The following TSHR variants were observed in gnomAD, a reference collection of about 807,000 sequenced individuals.
TSHR encodes the protein thyrotropin receptor.
A neutral mutation model predicts 64.1 loss-of-function variants in TSHR; 51 were observed. That is an observed-to-expected ratio of 0.80 (90% CI 0.64 to 1.01). The LOEUF is 1.01. Ranked by LOEUF, TSHR falls within the 50% of genes least tolerant of loss-of-function variation. The pLI is 0.00. For synonymous variants in TSHR, 361 were observed against 361.9 expected (o/e 1.00, Z 0.03); for missense variants, 877 against 942.8 (o/e 0.93, Z 0.91).
chr14:81,109,610 G>A (rs1473009695), intron 8 of TSHR, among the ~76,000 whole-genome samples: 1 of 152,148 alleles, frequency 6.6e-6, no homozygotes, highest in Non-Finnish European at 1.5e-5. Context: ...AGGTAGGGGT[G>A]GATGCCTCCT....
chr14:81,011,462 C>A (rs1176745806), intron 1 of TSHR, among the ~76,000 whole-genome samples: 1 of 152,034 alleles, frequency 6.6e-6, no homozygotes, highest in Non-Finnish European at 1.5e-5. Context: ...AAGCTATTCA[C>A]AGTATTCTTT....
At position 81,105,052 on chromosome 14, in the gene TSHR, T is replaced by G. The variant is rs183885333; in HGVS notation, c.615-3323T>G. 15 of 985,424 alleles carry G rather than the reference T, an allele frequency of 1.5e-5. No homozygotes were observed. The African/African-American group carries it at 2.4e-4, about 16-fold the overall frequency. 61.0% of individuals were successfully genotyped at this position (985,424 alleles called of 1,614,324 possible). A position where few individuals can be genotyped will look rare whatever the true frequency, so the allele number is the denominator to read the frequency against. Reference sequence around the variant, plus strand: ...CTTTTGAGTCTCTTTTAAGCTACTTTATGTTCATCTTCTCCTTGCAAGGGA... The same window carrying G: ...CTTTTGAGTCTCTTTTAAGCTACTTGATGTTCATCTTCTCCTTGCAAGGGA... On this transcript the variant is annotated intron_variant, in intron 7 of 9. Transcript: ENST00000298171.
At chr14:81,080,268 A>G (rs1887807496) in intron 3 of TSHR, among the ~76,000 whole-genome samples, 1 of 152,142 alleles carries the variant, frequency 6.6e-6, no homozygotes, top group South Asian at 2.1e-4. Flanking sequence ...AGTTTTTTAA[A>G]TCAAAAATAA....
chr14:81,075,946 C>T (rs1179089585), intron 3 of TSHR, among the ~76,000 whole-genome samples: 1 of 151,944 alleles, frequency 6.6e-6, no homozygotes, highest in Non-Finnish European at 1.5e-5. Context: ...ACATATACAC[C>T]ATGGGATACT....
chr14:81,109,618 C>G (rs1890136733), intron 8 of TSHR, among the ~76,000 whole-genome samples: 1 of 152,126 alleles, frequency 6.6e-6, no homozygotes, highest in Non-Finnish European at 1.5e-5. Flanking sequence ...GTGGATGCCT[C>G]CTAGAGAAGG....
chr14:80,983,912 G>A (rs77542443), intron 1 of TSHR, among the ~76,000 whole-genome samples: 13,053 of 152,200 alleles, frequency 0.086, 693 homozygotes, highest in South Asian at 0.21. Context: ...GAACGAGTTC[G>A]TTGTAAGTGA....
intron 1 of TSHR, among the ~76,000 whole-genome samples, chr14:80,989,129 T>C (rs1230374402): frequency 1.3e-5 from 2 of 152,190 alleles, no homozygotes; most frequent in Non-Finnish European, 2.9e-5. Flanking sequence ...TCTGTTATCA[T>C]TGACTCTTCC....
intron 1 of TSHR, among the ~76,000 whole-genome samples, chr14:81,017,903 C>T (rs1883509877): frequency 1.3e-5 from 2 of 150,404 alleles, no homozygotes; most frequent in South Asian, 4.2e-4. Flanking sequence ...GATCTCGGCT[C>T]ATTGCAAGCT....
chr14:81,079,147 T>A (rs1887711685), intron 3 of TSHR, among the ~76,000 whole-genome samples: 2 of 152,210 alleles, frequency 1.3e-5, no homozygotes, highest in African/African-American at 4.8e-5. Flanking sequence ...GGTAGTAACT[T>A]CAGCGAGGAT....
rs184781241 is a variant in TSHR at position 80,976,069 on chromosome 14, G to T, written c.170+20219G>T. Among the ~76,000 whole-genome samples the T allele has an allele frequency of 3.1e-3, 471 of 152,176 alleles. 4 individuals are homozygous for T. The highest frequency in any genetic ancestry group is 4.4e-3 in the Non-Finnish European group (300 of 68,004). On this transcript the variant is annotated intron_variant, in intron 1 of 9. Transcript: ENST00000298171. ...TGGGACTACAGGCACCCGCAACCAC[G>T]CCCGGCTAATTTTTTGTATTTTTAC...
chr14:81,007,647 A>C (rs898818015), intron 1 of TSHR, among the ~76,000 whole-genome samples: 6 of 152,160 alleles, frequency 3.9e-5, no homozygotes, highest in African/African-American at 1.4e-4. Flanking sequence ...CTCCCATAAT[A>C]TTACTCTTTT....
chr14:81,116,771 C>T (rs940763489), intron 8 of TSHR, among the ~76,000 whole-genome samples: 17 of 150,820 alleles, frequency 1.1e-4, no homozygotes, highest in African/African-American at 2.7e-4. Context: ...AAATTGACCA[C>T]ATACTTGGAA....
intron 1 of TSHR, among the ~76,000 whole-genome samples, chr14:80,981,320 CAAG>C (rs1888154575): frequency 6.6e-6 from 1 of 152,126 alleles, no homozygotes; most frequent in Admixed American, 6.6e-5. Context: ...TCCAGATTCT[CAAG>C]AAGGTTTTTT....
chr14:81,110,628 T>G (rs1350188401), intron 8 of TSHR, among the ~76,000 whole-genome samples: 3 of 152,200 alleles, frequency 2.0e-5, no homozygotes, highest in African/African-American at 7.2e-5. Context: ...GTGTATAAAA[T>G]GTGAAAATGA....
chr14:81,059,325 A>G (rs1886057189), intron 1 of TSHR, among the ~76,000 whole-genome samples: 2 of 152,204 alleles, frequency 1.3e-5, no homozygotes, highest in African/African-American at 4.8e-5. Context: ...CAGAAAAGAA[A>G]TTAAAGGAGA....
At chr14:81,140,653 T>TC (rs567924137) in intron 9 of TSHR, among the ~76,000 whole-genome samples, 1 of 152,206 alleles carries the variant, frequency 6.6e-6, no homozygotes, top group Non-Finnish European at 1.5e-5. Flanking sequence ...CTGCATTATT[T>TC]CCCCCATTGT....
At chr14:80,956,307 A>G (rs1219229032) in intron 1 of TSHR, among the ~76,000 whole-genome samples, 1 of 152,240 alleles carries the variant, frequency 6.6e-6, no homozygotes, top group Non-Finnish European at 1.5e-5. Flanking sequence ...CTGCTGATTC[A>G]TCAAATTGTT....
In TSHR at chr14:81,144,222, C is replaced by G. The variant is rs1406691651; in HGVS notation, c.2164C>G (p.Gln722Glu). Residue 722 changes from glutamine (Q) to glutamate (E), a missense_variant, in exon 10 of 10, where the codon CAA becomes GAA. Transcript: ENST00000298171. ...PPKNSTDIQVQKVTHEMRQGL... is the reference protein window; with the variant it reads ...PPKNSTDIQVEKVTHEMRQGL... Reference sequence around the variant, plus strand: ...AAAGAACAGCACTGATATTCAGGTTCAAAAGGTTACCCACGAGATGAGGCA... The same window carrying G: ...AAAGAACAGCACTGATATTCAGGTTGAAAAGGTTACCCACGAGATGAGGCA... The G allele has an allele frequency of 6.2e-7, 1 of 1,613,158 alleles. No homozygotes were observed. The highest frequency in any genetic ancestry group is 8.5e-7 in the Non-Finnish European group (1 of 1,179,506).
chr14:81,059,201 C>T (rs1001774486), intron 1 of TSHR, among the ~76,000 whole-genome samples: 1 of 152,104 alleles, frequency 6.6e-6, no homozygotes, highest in Non-Finnish European at 1.5e-5. Flanking sequence ...TTCCTAGATG[C>T]CATGCCCTCA....
Sources: gnomAD v4.1 joint callset for allele counts (sites outside exome capture counted in the v4.1 genomes callset) on GRCh38, gnomAD v4.1.1 for gene constraint, MANE v1.5 for transcripts, NCBI Gene and HGNC (gene_info 2026-07-23, HGNC 2026-07-21) for gene names.